Variants in NKAIN3 observed in about 807,000 individuals in gnomAD.
The protein encoded by NKAIN3 is sodium/potassium-transporting ATPase subunit beta-1-interacting protein 3.
Under a neutral mutation model 30.2 loss-of-function variants are expected in NKAIN3, and 25 were observed. The observed-to-expected ratio is 0.83, with a 90% confidence interval of 0.60 to 1.16. NKAIN3 has a LOEUF of 1.16. Among genes scored for constraint, NKAIN3 ranks in the 50% most tolerant of loss-of-function variants. The probability of loss-of-function intolerance (pLI) is 0.00; values close to 1 mark genes in which losing one functional copy is unlikely to be tolerated. For synonymous variants in NKAIN3, 91 were observed against 89.6 expected (o/e 1.02, Z -0.09); for missense variants, 225 against 254.1 (o/e 0.89, Z 0.78).
At chr8:62,352,727 T>C (rs1167859827) in intron 1 of NKAIN3, among the ~76,000 whole-genome samples, 1 of 152,198 alleles carries the variant, frequency 6.6e-6, no homozygotes, top group Admixed American at 6.6e-5. Flanking sequence ...CTAACCACCA[T>C]GAGGACACTG....
intron 3 of NKAIN3, among the ~76,000 whole-genome samples, chr8:62,686,810 CAAAGAACATTATAAATATATT>C (rs1813813015): frequency 6.6e-6 from 1 of 152,068 alleles, no homozygotes; most frequent in African/African-American, 2.4e-5. Flanking sequence ...TCCCTGTACA[CAAAGAACATTATAAATATATT>C]AAGTAAACAA....
At chr8:62,261,793 A>G (rs183525768) in intron 1 of NKAIN3, among the ~76,000 whole-genome samples, 1 of 152,346 alleles carries the variant, frequency 6.6e-6, no homozygotes, top group Admixed American at 6.5e-5. Flanking sequence ...AATCATTGTT[A>G]CAATGCGGAA....
chr8:62,493,734 G>T (rs1807147491), intron 1 of NKAIN3, among the ~76,000 whole-genome samples: 1 of 152,040 alleles, frequency 6.6e-6, no homozygotes, highest in Non-Finnish European at 1.5e-5. Context: ...TCAATGTTGA[G>T]ATCTTTTGCC....
At chr8:62,662,734 A>T (rs1438345027) in intron 3 of NKAIN3, among the ~76,000 whole-genome samples, 5 of 152,178 alleles carry the variant, frequency 3.3e-5, no homozygotes, top group African/African-American at 1.2e-4. Flanking sequence ...TAGTTGGTTG[A>T]TGTATTTAAG....
chr8:62,807,599 C>T (rs560071156), intron 4 of NKAIN3, among the ~76,000 whole-genome samples: 2 of 144,604 alleles, frequency 1.4e-5, no homozygotes, highest in East Asian at 2.0e-4. Context: ...TGTCACCAGG[C>T]TGGAGTGCAG....
At chr8:62,801,611 C>G (rs940232036) in intron 4 of NKAIN3, among the ~76,000 whole-genome samples, 1 of 152,140 alleles carries the variant, frequency 6.6e-6, no homozygotes, top group African/African-American at 2.4e-5. Flanking sequence ...CACCAAAAAC[C>G]CATCTGTACA....
At chr8:62,696,241 A>G (rs16929428) in intron 3 of NKAIN3, among the ~76,000 whole-genome samples, 19,624 of 152,134 alleles carry the variant, frequency 0.13, 3,336 homozygotes, top group African/African-American at 0.4. Flanking sequence ...TTATTGTCAG[A>G]ATTTTTTCCT....
chr8:62,320,817 T>C (rs1814861822), intron 1 of NKAIN3, among the ~76,000 whole-genome samples: 1 of 152,294 alleles, frequency 6.6e-6, no homozygotes, highest in African/African-American at 2.4e-5. Context: ...TGTCTTGGAA[T>C]TGCTCTTCTC....
At chr8:62,484,886 G>A (rs553265851) in intron 1 of NKAIN3, among the ~76,000 whole-genome samples, 4 of 152,136 alleles carry the variant, frequency 2.6e-5, no homozygotes, top group Non-Finnish European at 2.9e-5. Context: ...TCCAGGGAGG[G>A]GCTCAGTCCA....
At chr8:62,863,844 C>T in intron 4 of NKAIN3, 7 of 1,605,878 alleles carry the variant, frequency 4.4e-6, no homozygotes, top group Non-Finnish European at 6.0e-6. Flanking sequence ...GCAATTTTCA[C>T]TGGATGATAG....
intron 1 of NKAIN3, among the ~76,000 whole-genome samples, chr8:62,250,490 G>T (rs974230209): frequency 1.3e-5 from 2 of 152,116 alleles, no homozygotes; most frequent in Admixed American, 6.5e-5. Flanking sequence ...AGAAAAGAAG[G>T]CAGGAGCTTG....
intron 3 of NKAIN3, among the ~76,000 whole-genome samples, chr8:62,657,238 T>C (rs573184834): frequency 1.0e-3 from 156 of 152,308 alleles, no homozygotes; most frequent in Non-Finnish European, 2.0e-3. Flanking sequence ...ATTTCATAAG[T>C]ATACAATAAA....
chr8:62,813,210 T>A (rs1008186288), intron 4 of NKAIN3, among the ~76,000 whole-genome samples: 1 of 152,022 alleles, frequency 6.6e-6, no homozygotes, highest in Non-Finnish European at 1.5e-5. Flanking sequence ...TTGGTCTATG[T>A]GTTTTTATAC....
chr8:62,480,470 G>C (rs1157792182), intron 1 of NKAIN3, among the ~76,000 whole-genome samples: 1 of 150,758 alleles, frequency 6.6e-6, no homozygotes, highest in African/African-American at 2.4e-5. Context: ...TTCAGGATAA[G>C]GTCAGGGGGA....
In NKAIN3 at chr8:62,863,524, G is replaced by T. The variant is rs116776153; in HGVS notation, c.472-54929G>T. The T allele has an allele frequency of 1.1e-3, 1,528 of 1,414,314 alleles. 12 individuals carry two copies. The African/African-American group carries it at 0.019, about 18-fold the overall frequency. The allele number at this position is 1,414,314 out of a possible 1,614,324, so 87.6% of individuals were successfully genotyped here. A position where few individuals can be genotyped will look rare whatever the true frequency, so the allele number is the denominator to read the frequency against. On this transcript the variant is annotated intron_variant, in intron 4 of 6. Coordinates refer to ENST00000623646, the MANE Select transcript of NKAIN3 (RefSeq NM_001304533.3). The stretch of plus-strand genomic sequence containing the variant: ...GTGGGAGGCCTTGATAGTTGAACTT[G>T]ATGATCCAGTTGAGGAGATGGTGGC...
At chr8:62,339,219 G>C (rs1434127910) in intron 1 of NKAIN3, among the ~76,000 whole-genome samples, 5 of 152,008 alleles carry the variant, frequency 3.3e-5, no homozygotes, top group Middle Eastern at 6.3e-3. Flanking sequence ...AGTGAGTTAA[G>C]TGAGAGATTG....
chr8:62,863,075 T>G, intron 4 of NKAIN3: 1 of 1,055,898 alleles, frequency 9.5e-7, no homozygotes, highest in Non-Finnish European at 1.4e-6. Flanking sequence ...CTGTATCATA[T>G]ATCTCTCAAG....
intron 1 of NKAIN3, among the ~76,000 whole-genome samples, chr8:62,334,411 T>C (rs1815462582): frequency 6.6e-6 from 1 of 152,058 alleles, no homozygotes; most frequent in Admixed American, 6.6e-5. Context: ...CTTTACCTGG[T>C]AGGACTAGGT....
intron 3 of NKAIN3, among the ~76,000 whole-genome samples, chr8:62,719,807 A>AT (rs1283687121): frequency 1.6e-5 from 2 of 124,038 alleles, no homozygotes; most frequent in African/African-American, 6.4e-5. Context: ...TCCAGGCTGG[A>AT]GTGCAGCGGC....
Sources: gnomAD v4.1 joint callset for allele counts (sites outside exome capture counted in the v4.1 genomes callset) on GRCh38, gnomAD v4.1.1 for gene constraint, MANE v1.5 for transcripts, NCBI Gene and HGNC (gene_info 2026-07-23, HGNC 2026-07-21) for gene names.